Variants in NXPE3 observed in about 807,000 individuals in gnomAD.
The protein encoded by NXPE3 is neurexophilin and PC-esterase domain family member 3, also known as NXPE family member 3.
Under a neutral mutation model 46.1 loss-of-function variants are expected in NXPE3, and 26 were observed. The observed-to-expected ratio is 0.56, with a 90% CI of 0.41 to 0.78. NXPE3 has a LOEUF of 0.78. NXPE3 is among the 30% of genes least tolerant of loss of function. NXPE3 has a pLI of 0.00. For missense variants in NXPE3, 620 were observed against 686.0 expected, an observed-to-expected ratio of 0.90 and a Z score of 1.07; for synonymous variants, 272 against 257.9, an observed-to-expected ratio of 1.05 and a Z score of -0.52.
chr3:101,817,641 G>A (rs1018180675), intron 7 of NXPE3, among the ~76,000 whole-genome samples: 6 of 152,246 alleles, frequency 3.9e-5, no homozygotes, highest in South Asian at 4.1e-4. Flanking sequence ...CCAGTGGTTG[G>A]AGGCCCACCC....
intron 4 of NXPE3, among the ~76,000 whole-genome samples, chr3:101,792,716 C>A (rs1466323414): frequency 6.6e-6 from 1 of 152,100 alleles, no homozygotes; most frequent in African/African-American, 2.4e-5. Flanking sequence ...CAGCTTTATT[C>A]TTTTTGCTTA....
At chr3:101,781,560 A>G (rs1939824609) in intron 1 of NXPE3, 1 of 152,186 alleles carries the variant, frequency 6.6e-6, no homozygotes, top group African/African-American at 2.4e-5. Context: ...ATTTGGCAGA[A>G]CACTTCCAAC....
intron 6 of NXPE3, among the ~76,000 whole-genome samples, chr3:101,816,466 C>G (rs567983962): frequency 6.6e-6 from 1 of 152,178 alleles, no homozygotes; most frequent in East Asian, 1.9e-4. Context: ...GTTCCTCTCC[C>G]TGTGTCCATG....
chr3:101,810,892 G>T (rs769529854), intron 6 of NXPE3, among the ~76,000 whole-genome samples: 1 of 151,910 alleles, frequency 6.6e-6, no homozygotes, highest in South Asian at 2.1e-4. Context: ...GCAGTGGTGC[G>T]ATCCTGGCTC....
intron 4 of NXPE3, among the ~76,000 whole-genome samples, chr3:101,787,584 G>C (rs899755610): frequency 8.5e-5 from 13 of 152,364 alleles, no homozygotes; most frequent in Non-Finnish European, 1.9e-4. Context: ...GGGATCACAG[G>C]TGTGAGCCAT....
At chr3:101,784,385 C>T (rs977311602) in intron 3 of NXPE3, among the ~76,000 whole-genome samples, 4 of 151,978 alleles carry the variant, frequency 2.6e-5, no homozygotes, top group Admixed American at 1.3e-4. Context: ...AATGGCTCAC[C>T]CTTGTCTCCT....
chr3:101,785,769 G>A, intron 4 of NXPE3, 80 bp downstream of exon 4: 1 of 1,116,482 alleles, frequency 9.0e-7, no homozygotes. Context: ...GAAAACGTTG[G>A]TTATCGGAAG....
At chr3:101,792,059 A>G (rs1940551317) in intron 4 of NXPE3, among the ~76,000 whole-genome samples, 1 of 152,024 alleles carries the variant, frequency 6.6e-6, no homozygotes, top group African/African-American at 2.4e-5. Context: ...CTTTGGCCGC[A>G]TGTGTGTCTT....
At position 101,821,593 on chromosome 3, in the gene NXPE3, T is replaced by A. The variant is rs752967344; in HGVS notation, c.1319T>A (p.Val440Asp). 2 of 1,614,180 alleles carry A rather than the reference T, an allele frequency of 1.2e-6. No individual in the cohort carries two copies. The highest frequency in any genetic ancestry group is 2.2e-5 in the South Asian group (2 of 91,086). Reference protein sequence around the residue: ...NGIVGGKNTVVAIAVWSHFST... With the variant: ...NGIVGGKNTVDAIAVWSHFST... The stretch of plus-strand genomic sequence containing the variant: ...ATTGTGGGAGGGAAGAACACAGTGG[T>A]TGCCATAGCTGTATGGTCTCACTTC... Residue 440 changes from valine to aspartate, a missense_variant, in exon 8 of 8, where the codon GTT becomes GAT. By Grantham distance (152) the Val-to-Asp change is radical. Transcript: ENST00000273347.
chr3:101,791,387 T>A (rs982787080), intron 4 of NXPE3, among the ~76,000 whole-genome samples: 1 of 152,192 alleles, frequency 6.6e-6, no homozygotes, highest in Non-Finnish European at 1.5e-5. Flanking sequence ...CAGTCTGTTA[T>A]TTATTTATTT....
chr3:101,810,758 GA>G (rs2107326076), intron 6 of NXPE3, among the ~76,000 whole-genome samples: 1 of 152,298 alleles, frequency 6.6e-6, no homozygotes, highest in Non-Finnish European at 1.5e-5. Context: ...AAGGAAATGG[GA>G]AACTCAGTCT....
rs145567281 is a variant in NXPE3 at position 101,784,132 on chromosome 3, G to C, written c.-195-1270G>C. ...TTGTTGCATAGATTGTTGAATCATT[G>C]TGTACCATGTAAAGAACTAAGTACC... On this transcript the variant is annotated intron_variant, in intron 3 of 7. Transcript: ENST00000273347. Among the ~76,000 whole-genome samples the C allele has an allele frequency of 3.4e-3, 511 of 152,300 alleles. 9 individuals are homozygous for C. Among genetic ancestry groups the C allele is most frequent in the Non-Finnish European group, 4.6e-3 (310 of 68,026 alleles).
chr3:101,794,669 A>G (rs926952342), intron 4 of NXPE3, among the ~76,000 whole-genome samples: 1 of 152,190 alleles, frequency 6.6e-6, no homozygotes, highest in Admixed American at 6.5e-5. Flanking sequence ...ATTATAATAG[A>G]CAAAAAAAGA....
chr3:101,804,242 T>C (rs535314450), intron 5 of NXPE3, among the ~76,000 whole-genome samples: 4 of 152,198 alleles, frequency 2.6e-5, no homozygotes, highest in Non-Finnish European at 5.9e-5. Flanking sequence ...ATAGAGAAAG[T>C]TTAGAGAACT....
At chr3:101,802,418 G>GGTTGCAGTGAGCTGTGATCACAATTGC (rs1941215318) in intron 5 of NXPE3, among the ~76,000 whole-genome samples, 4 of 151,862 alleles carry the variant, frequency 2.6e-5, no homozygotes, top group African/African-American at 9.7e-5. Context: ...AGGAGTTTGA[G>GGTTGCAGTGAGCTGTGATCACAATTGC]ACCAGCCTGG....
chr3:101,815,781 A>G (rs1002812795), intron 6 of NXPE3, among the ~76,000 whole-genome samples: 1 of 152,122 alleles, frequency 6.6e-6, no homozygotes, highest in Non-Finnish European at 1.5e-5. Flanking sequence ...GGTGATCACA[A>G]CGTCAAGAGA....
rs979923166 is a variant in NXPE3, at chr3:101,827,237, A to C, written c.*5283A>C. 85 of 152,130 alleles carry C rather than the reference A, an allele frequency of 5.6e-4. No individual in the cohort carries two copies. Among genetic ancestry groups the C allele is most frequent in the African/African-American group, 2.0e-3 (84 of 41,446 alleles). 9.4% of individuals were successfully genotyped at this position (152,130 alleles called of 1,614,324 possible). On this transcript the variant is annotated 3_prime_UTR_variant, in exon 8 of 8. Transcript: ENST00000273347. ...GGAAGATAACTTAAAAAAAAGTAGT[A>C]CCGAGATTACAGCAGCTAGTGTCCT...
Position 101,817,137 on chromosome 3 carries a change from C to T in NXPE3, c.1129+136C>T, listed in dbSNP as rs1942011522. On this transcript the variant is annotated intron_variant, in intron 7 of 7. Transcript: ENST00000273347. Reference sequence around the variant, plus strand: ...GTGTAGGACTAAAGAGGTACCCAAACCCTGGAGAGATGTGTGACAGTTTCT... The same window carrying T: ...GTGTAGGACTAAAGAGGTACCCAAATCCTGGAGAGATGTGTGACAGTTTCT... The T allele has an allele frequency of 1.1e-5, 8 of 740,932 alleles. No homozygotes were observed. The South Asian group carries it at 1.3e-4, about 12-fold the overall frequency. 45.9% of individuals were successfully genotyped at this position (740,932 alleles called of 1,614,324 possible).
At chr3:101,809,119 C>T (rs919985206) in intron 6 of NXPE3, among the ~76,000 whole-genome samples, 1 of 151,748 alleles carries the variant, frequency 6.6e-6, no homozygotes, top group Non-Finnish European at 1.5e-5. Context: ...TGAGGATTAG[C>T]CAGGAAGTGG....
Sources: gnomAD v4.1 joint callset for allele counts (sites outside exome capture counted in the v4.1 genomes callset) on GRCh38, gnomAD v4.1.1 for gene constraint, MANE v1.5 for transcripts, NCBI Gene and HGNC (gene_info 2026-07-23, HGNC 2026-07-21) for gene names.